Variants in PKNOX2 observed in about 807,000 individuals in gnomAD.
The protein encoded by PKNOX2 is PBX/knotted 1 homeobox 2, also known as homeobox protein PKNOX2.
A neutral mutation model predicts 53.1 loss-of-function variants in PKNOX2; 14 were observed. That is an observed-to-expected ratio of 0.26 (90% confidence interval 0.17 to 0.41). PKNOX2 has a LOEUF of 0.41. Ranked by LOEUF, PKNOX2 falls within the 10% of genes least tolerant of loss-of-function variation. The pLI is 1.00. For synonymous variants in PKNOX2, 257 were observed against 242.8 expected, an observed-to-expected ratio of 1.06 and a Z score of -0.54; for missense variants, 496 against 602.8, an observed-to-expected ratio of 0.82 and a Z score of 1.85.
chr11:125,206,306 G>A (rs964133572), intron 1 of PKNOX2, among the ~76,000 whole-genome samples: 4 of 152,070 alleles, frequency 2.6e-5, no homozygotes, highest in Admixed American at 6.5e-5. Flanking sequence ...CCCTGGTGCC[G>A]TCTAACCTGA....
intron 1 of PKNOX2, among the ~76,000 whole-genome samples, chr11:125,198,844 T>C (rs2320850): frequency 1.9e-4 from 27 of 145,184 alleles, no homozygotes; most frequent in African/African-American, 4.5e-4. Flanking sequence ...TCTTCTTCTT[T>C]TTTTTTTTTT....
intron 1 of PKNOX2, among the ~76,000 whole-genome samples, chr11:125,206,261 G>A (rs624677): frequency 0.012 from 1,877 of 151,786 alleles, 32 homozygotes; most frequent in African/African-American, 0.042. Flanking sequence ...TTGTAGGCTC[G>A]GACTGATGCT....
intron 2 of PKNOX2, among the ~76,000 whole-genome samples, chr11:125,253,320 G>T (rs2135689521): frequency 6.6e-6 from 1 of 152,274 alleles, no homozygotes; most frequent in South Asian, 2.1e-4. Flanking sequence ...AGGAAACAGA[G>T]GCACAGGGAG....
At chr11:125,180,328 C>G (rs117651246) in intron 1 of PKNOX2, among the ~76,000 whole-genome samples, 2,802 of 152,256 alleles carry the variant, frequency 0.018, 61 homozygotes, top group Admixed American at 0.063. Flanking sequence ...CTGCTCTAAT[C>G]CGGAATAGTA....
intron 1 of PKNOX2, among the ~76,000 whole-genome samples, chr11:125,171,117 C>T (rs772289788): frequency 6.6e-6 from 1 of 152,158 alleles, no homozygotes; most frequent in East Asian, 1.9e-4. Flanking sequence ...CTACTCACAT[C>T]GCCATCCCAA....
intron 6 of PKNOX2, among the ~76,000 whole-genome samples, chr11:125,387,238 G>A (rs538047217): frequency 3.9e-5 from 6 of 152,302 alleles, no homozygotes; most frequent in South Asian, 2.1e-4. Flanking sequence ...AGGAGATGCC[G>A]CAGCCATTTC....
Position 125,273,395 on chromosome 11 carries a change from G to A in PKNOX2, c.-130+38280G>A, listed in dbSNP as rs528931110. 1.2e-4 allele frequency among the ~76,000 whole-genome samples: 19 copies of A among 152,346 alleles called. No individual in the cohort carries two copies. The South Asian group carries it at 3.9e-3, about 32-fold the overall frequency. Reference sequence around the variant, plus strand: ...GCAGATGGGAGAAGGAGGGAAGGTGGACCGAGGGGCAGGAGGAGGCGGGTC... The same window carrying A: ...GCAGATGGGAGAAGGAGGGAAGGTGAACCGAGGGGCAGGAGGAGGCGGGTC... On this transcript the variant is annotated intron_variant, in intron 2 of 12. Coordinates refer to ENST00000298282, the MANE Select transcript of PKNOX2 (RefSeq NM_001382323.2).
chr11:125,298,372 C>T (rs528025605), intron 2 of PKNOX2, among the ~76,000 whole-genome samples: 82 of 152,306 alleles, frequency 5.4e-4, no homozygotes, highest in South Asian at 3.3e-3. Flanking sequence ...CTGGAAGCGG[C>T]GCGTTTGTCA....
chr11:125,364,114 A>G (rs1217525683), intron 4 of PKNOX2, among the ~76,000 whole-genome samples: 2 of 152,148 alleles, frequency 1.3e-5, no homozygotes, highest in African/African-American at 4.8e-5. Flanking sequence ...AAAAAAACTT[A>G]CTTCAAGCTA....
intron 3 of PKNOX2, among the ~76,000 whole-genome samples, chr11:125,347,754 G>A (rs1427399805): frequency 6.6e-6 from 1 of 152,150 alleles, no homozygotes; most frequent in Non-Finnish European, 1.5e-5. Flanking sequence ...GTCAAGTGTT[G>A]CAATAGAATT....
intron 1 of PKNOX2, among the ~76,000 whole-genome samples, chr11:125,194,847 G>A (rs1957091253): frequency 6.6e-6 from 1 of 152,158 alleles, no homozygotes; most frequent in African/African-American, 2.4e-5. Context: ...GTATGCTCCA[G>A]CTAATTTAAT....
At chr11:125,272,689 C>T (rs1350119772) in intron 2 of PKNOX2, among the ~76,000 whole-genome samples, 1 of 152,200 alleles carries the variant, frequency 6.6e-6, no homozygotes, top group Non-Finnish European at 1.5e-5. Context: ...ACAGCTCTCC[C>T]ACTTCCTCCA....
intron 1 of PKNOX2, among the ~76,000 whole-genome samples, chr11:125,194,095 C>T (rs1027349735): frequency 6.6e-6 from 1 of 152,230 alleles, no homozygotes; most frequent in Non-Finnish European, 1.5e-5. Flanking sequence ...TTTGGGCTTT[C>T]CAAAGTCAAA....
intron 2 of PKNOX2, among the ~76,000 whole-genome samples, chr11:125,280,464 C>G (rs796452345): frequency 9.2e-5 from 14 of 152,316 alleles, no homozygotes; most frequent in African/African-American, 2.9e-4. Context: ...AAGTTCATGT[C>G]TGGCACTCAG....
intron 6 of PKNOX2, 72 bp downstream of exon 6, chr11:125,385,794 A>G: frequency 1.3e-6 from 2 of 1,520,574 alleles, no homozygotes; most frequent in South Asian, 1.3e-5. Flanking sequence ...TGCCCTAGAA[A>G]TGATCCTTTC....
intron 4 of PKNOX2, among the ~76,000 whole-genome samples, chr11:125,356,029 ACC>A (rs66888533): frequency 0.019 from 1,747 of 89,962 alleles, 35 homozygotes; most frequent in African/African-American, 0.059. Flanking sequence ...CACTATCAGC[ACC>A]CCCCCCCCCA....
At chr11:125,226,127 A>C (rs574702078) in intron 1 of PKNOX2, among the ~76,000 whole-genome samples, 3 of 152,336 alleles carry the variant, frequency 2.0e-5, no homozygotes, top group Admixed American at 6.5e-5. Context: ...CAAAGTATGT[A>C]ATTATTTCAT....
intron 2 of PKNOX2, among the ~76,000 whole-genome samples, chr11:125,313,602 T>C (rs1372016842): frequency 6.6e-6 from 1 of 152,174 alleles, no homozygotes; most frequent in Non-Finnish European, 1.5e-5. Context: ...GAAAAGCACA[T>C]GTACCCAGGA....
At position 125,251,097 on chromosome 11, in the gene PKNOX2, G is replaced by C. The variant is rs772663938; in HGVS notation, c.-130+15982G>C. Among the ~76,000 whole-genome samples, 52 of 152,334 alleles carry C rather than the reference G, an allele frequency of 3.4e-4. 1 individual carries two copies. Among genetic ancestry groups the C allele is most frequent in the Middle Eastern group, 3.4e-3 (1 of 294 alleles). ...AGGGGGCCAGCGGCCTGTAGCCCCCGAGTCATCACGGGAGGCGTGTGACTT... is the reference window on the plus strand; with the variant it reads ...AGGGGGCCAGCGGCCTGTAGCCCCCCAGTCATCACGGGAGGCGTGTGACTT... On this transcript the variant is annotated intron_variant, in intron 2 of 12. Transcript: ENST00000298282.
Sources: gnomAD v4.1 joint callset for allele counts (sites outside exome capture counted in the v4.1 genomes callset) on GRCh38, gnomAD v4.1.1 for gene constraint, MANE v1.5 for transcripts, NCBI Gene and HGNC (gene_info 2026-07-23, HGNC 2026-07-21) for gene names.